The following WDR44 variants were observed in gnomAD, a reference collection of about 807,000 sequenced individuals.
The protein encoded by WDR44 is WD repeat-containing protein 44.
A neutral mutation model predicts 65.7 loss-of-function variants in WDR44; 9 were observed. The observed-to-expected ratio is 0.14, with a 90% CI of 0.08 to 0.24. The LOEUF (loss-of-function observed/expected upper bound fraction) is 0.24, where lower values mean the gene tolerates loss of function less well. Among genes scored for constraint, WDR44 ranks in the 10% least tolerant of loss-of-function variants. The pLI is 1.00. For missense variants in WDR44, 425 were observed against 670.9 expected, an observed-to-expected ratio of 0.63 and a Z score of 4.05; for synonymous variants, 220 against 235.2, an observed-to-expected ratio of 0.94 and a Z score of 0.59.
At chrX:118,446,367 C>T (rs1374427670) in intron 19 of WDR44, among the ~76,000 whole-genome samples, 1 of 110,671 alleles carries the variant, frequency 9.0e-6, no homozygotes, top group African/African-American at 3.3e-5. Flanking sequence ...GTCTTGAGCC[C>T]GGGCAACATA....
chrX:118,435,435 C>T (rs1415641096), intron 13 of WDR44, among the ~76,000 whole-genome samples: 2 of 105,539 alleles, frequency 1.9e-5, no homozygotes, highest in African/African-American at 7.7e-5. Context: ...TGGGCCACCA[C>T]GCCCAGCTAA....
intron 1 of WDR44, among the ~76,000 whole-genome samples, chrX:118,348,277 C>T (rs1003219293): frequency 4.5e-5 from 5 of 112,015 alleles, no homozygotes; most frequent in African/African-American, 1.6e-4. Context: ...TAACTTTACA[C>T]AAAGCTTATT....
intron 12 of WDR44, among the ~76,000 whole-genome samples, chrX:118,413,093 T>C (rs1462319357): frequency 1.8e-5 from 2 of 112,510 alleles, no homozygotes; most frequent in Admixed American, 9.4e-5. Context: ...CACTCGTTGA[T>C]TGATGGGCAT....
chrX:118,388,039 T>A (rs2056786901), intron 3 of WDR44, among the ~76,000 whole-genome samples: 1 of 111,202 alleles, frequency 9.0e-6, no homozygotes, highest in African/African-American at 3.3e-5. Context: ...CACCCCAGAG[T>A]TTCTCCAGTA....
chrX:118,448,121 T>C (rs1183393642), intron 19 of WDR44, among the ~76,000 whole-genome samples: 1 of 109,805 alleles, frequency 9.1e-6, no homozygotes, highest in East Asian at 2.8e-4. Flanking sequence ...GGTAAAGGAA[T>C]GTTCAAAGGC....
At chrX:118,413,657 G>A (rs756269395) in intron 12 of WDR44, among the ~76,000 whole-genome samples, 58 of 111,924 alleles carry the variant, frequency 5.2e-4, no homozygotes, top group Non-Finnish European at 6.6e-4. Context: ...TCTGCTGACT[G>A]TTCCTTTTGC....
At chrX:118,422,069 AG>A (rs1219747270) in intron 12 of WDR44, among the ~76,000 whole-genome samples, 1 of 111,571 alleles carries the variant, frequency 9.0e-6, no homozygotes. Flanking sequence ...ACATTAGCAT[AG>A]GTGTTGTAGC....
chrX:118,375,194 A>G (rs1329150530), intron 1 of WDR44, among the ~76,000 whole-genome samples: 1 of 110,106 alleles, frequency 9.1e-6, no homozygotes, highest in African/African-American at 3.3e-5. Flanking sequence ...TTGTTTGTTT[A>G]TTTTGTTTTT....
chrX:118,387,007 CTCTG>C (rs1235072287), intron 2 of WDR44, among the ~76,000 whole-genome samples: 7 of 109,285 alleles, frequency 6.4e-5, no homozygotes, highest in Non-Finnish European at 1.1e-4. Context: ...CAAGGTGAAA[CTCTG>C]TCTGTACTAA....
intron 4 of WDR44, among the ~76,000 whole-genome samples, chrX:118,393,548 C>T (rs780373843): frequency 1.4e-4 from 15 of 108,130 alleles, no homozygotes; most frequent in Non-Finnish European, 1.9e-4. Context: ...GCCAAGGTCG[C>T]GCCATTGCAC....
At chrX:118,408,822 T>C (rs2056989352) in intron 10 of WDR44, among the ~76,000 whole-genome samples, 1 of 112,126 alleles carries the variant, frequency 8.9e-6, no homozygotes, top group Admixed American at 9.5e-5. Flanking sequence ...CACCCATCTT[T>C]ACGTTCAGCT....
At position 118,394,110 on chromosome X, in the gene WDR44, A is replaced by C; in HGVS notation, c.882A>C (p.Glu294Asp). ...TCCTAACCGCAAGCATGGCTTCAGA[A>C]AGTACGGTTAAGGATTCTCAGCCTT... ...DSLLTASMAS[E>D]STVKDSQPSL... The change falls in exon 5 of 20, where the codon GAA (glutamate) becomes GAC (aspartate). Residue 294 changes from glutamate to aspartate, a missense_variant. Physicochemically the swap from Glu to Asp is conservative, Grantham distance 45. Transcript: ENST00000254029. 5.0e-6 allele frequency: 6 copies of C among 1,211,341 alleles called. No homozygotes were observed. The highest frequency in any genetic ancestry group is 6.7e-6 in the Non-Finnish European group (6 of 895,065).
At chrX:118,424,347 A>ATATG (rs2057138398) in intron 12 of WDR44, among the ~76,000 whole-genome samples, 2 of 86,622 alleles carry the variant, frequency 2.3e-5, no homozygotes, top group Admixed American at 3.0e-4. Context: ...ATATATATAT[A>ATATG]TGTATATATA....
chrX:118,379,782 T>C (rs1282821772), intron 2 of WDR44, among the ~76,000 whole-genome samples: 1 of 111,853 alleles, frequency 8.9e-6, no homozygotes, highest in African/African-American at 3.2e-5. Flanking sequence ...TAAATAAAAA[T>C]TATTTTGTAT....
intron 13 of WDR44, among the ~76,000 whole-genome samples, chrX:118,434,621 T>C (rs1302934581): frequency 1.8e-5 from 2 of 111,701 alleles, no homozygotes; most frequent in Non-Finnish European, 3.8e-5. Context: ...ATGAGTTATT[T>C]CAATGAGGTG....
At chrX:118,424,337 A>ATATATATATATATATATATATATG (rs2057137522) in intron 12 of WDR44, among the ~76,000 whole-genome samples, 1 of 89,312 alleles carries the variant, frequency 1.1e-5, no homozygotes, top group African/African-American at 5.0e-5. Flanking sequence ...ATATATATAT[A>ATATATATATATATATATATATATG]TATATATATA....
chrX:118,424,321 G>GTATATATA (rs1430796503), intron 12 of WDR44, among the ~76,000 whole-genome samples: 13 of 63,441 alleles, frequency 2.0e-4, no homozygotes, highest in African/African-American at 1.7e-3. Flanking sequence ...ATGTGTGTGT[G>GTATATATA]TGTATATATA....
chrX:118,448,842 G>A lies in WDR44; in HGVS notation c.2648-51G>A, dbSNP rs746551444. On this transcript the variant is annotated intron_variant, in intron 19 of 19. Coordinates refer to ENST00000254029, the MANE Select transcript of WDR44 (RefSeq NM_019045.5). ...GGGCATGTGATAATTGTGGCAGCAG[G>A]CTTCATATTCCTTTAAAAATCAACT... 105 of 895,332 alleles carry A rather than the reference G, an allele frequency of 1.2e-4. No individual in the cohort carries two copies. The African/African-American group carries it at 2.0e-3, about 17-fold the overall frequency. The allele number at this position is 895,332 out of a possible 1,213,427, so 73.8% of individuals were successfully genotyped here.
chrX:118,371,407 T>A (rs184148281), intron 1 of WDR44, among the ~76,000 whole-genome samples: 1 of 111,548 alleles, frequency 9.0e-6, no homozygotes, highest in Non-Finnish European at 1.9e-5. Context: ...ACTATAATAA[T>A]AACAATGTAT....
Sources: gnomAD v4.1 joint callset for allele counts (sites outside exome capture counted in the v4.1 genomes callset) on GRCh38, gnomAD v4.1.1 for gene constraint, MANE v1.5 for transcripts, NCBI Gene and HGNC (gene_info 2026-07-23, HGNC 2026-07-21) for gene names.